The following MRPS28 variants were observed in gnomAD, a reference collection of about 807,000 sequenced individuals.
MRPS28 encodes the protein small ribosomal subunit protein bS1m.
MRPS28 carries 7 observed loss-of-function variants against 10.8 expected under a neutral mutation model. The ratio of observed to expected loss-of-function variants is 0.65; its 90% CI spans 0.37 to 1.22. The LOEUF (loss-of-function observed/expected upper bound fraction) is 1.22, where lower values mean the gene tolerates loss of function less well. MRPS28 is among the 50% of genes most tolerant of loss of function. MRPS28 has a pLI of 0.02. For missense variants in MRPS28, 265 were observed against 232.9 expected (o/e 1.14, Z -0.90); for synonymous variants, 121 against 93.3 (o/e 1.30, Z -1.71).
chr8:79,974,977 A>T (rs1460749260), intron 2 of MRPS28, among the ~76,000 whole-genome samples: 2 of 152,130 alleles, frequency 1.3e-5, no homozygotes, highest in Non-Finnish European at 2.9e-5. Context: ...TTCTAAAATA[A>T]ATTTCAAGTA....
chr8:79,976,633 G>T (rs183380515), intron 2 of MRPS28, among the ~76,000 whole-genome samples: 4 of 152,184 alleles, frequency 2.6e-5, no homozygotes, highest in Middle Eastern at 3.4e-3. Flanking sequence ...TTCAACCAGG[G>T]AGGTGATGGT....
At chr8:80,012,414 T>C (rs942003803) in intron 1 of MRPS28, among the ~76,000 whole-genome samples, 7 of 152,142 alleles carry the variant, frequency 4.6e-5, no homozygotes, top group Admixed American at 1.3e-4. Flanking sequence ...AAACAGTAAA[T>C]GTAGCAACTC....
intron 2 of MRPS28, among the ~76,000 whole-genome samples, chr8:80,000,477 T>A (rs367986746): frequency 2.6e-5 from 4 of 152,162 alleles, no homozygotes; most frequent in East Asian, 1.9e-4. Flanking sequence ...CCACCCCGTC[T>A]CCCCTCAAAA....
intron 2 of MRPS28, among the ~76,000 whole-genome samples, chr8:80,002,109 T>TA (rs1004073357): frequency 8.5e-5 from 13 of 152,268 alleles, no homozygotes; most frequent in Admixed American, 2.6e-4. Flanking sequence ...ACGGCATCTT[T>TA]AGATATCCAG....
intron 2 of MRPS28, among the ~76,000 whole-genome samples, chr8:79,948,428 C>T (rs924497449): frequency 3.3e-5 from 5 of 152,150 alleles, no homozygotes; most frequent in Non-Finnish European, 4.4e-5. Context: ...AAGACTGTTC[C>T]ACTTCTTCCT....
chr8:79,977,768 G>A (rs1299156731), intron 2 of MRPS28, among the ~76,000 whole-genome samples: 2 of 151,992 alleles, frequency 1.3e-5, no homozygotes, highest in Non-Finnish European at 2.9e-5. Context: ...GGTGAGCTGA[G>A]ATTGCAGCAC....
At chr8:80,005,155 G>A (rs1049741715) in intron 1 of MRPS28, among the ~76,000 whole-genome samples, 7 of 152,042 alleles carry the variant, frequency 4.6e-5, no homozygotes, top group East Asian at 1.9e-4. Flanking sequence ...GATACTCCTC[G>A]AGAAGAGCAA....
intron 2 of MRPS28, chr8:79,958,219 T>C (rs1042906996): frequency 1.6e-5 from 9 of 552,716 alleles, no homozygotes; most frequent in African/African-American, 3.9e-5. Context: ...CTCTGTGGAT[T>C]TGTCTATTCT....
chr8:79,986,620 A>G (rs946906752), intron 2 of MRPS28, among the ~76,000 whole-genome samples: 15 of 152,276 alleles, frequency 9.9e-5, no homozygotes, highest in East Asian at 7.7e-4. Context: ...AAGCATTCTT[A>G]TACACCAATA....
chr8:79,995,489 T>C (rs1339867840), intron 2 of MRPS28, among the ~76,000 whole-genome samples: 1 of 152,182 alleles, frequency 6.6e-6, no homozygotes, highest in Non-Finnish European at 1.5e-5. Flanking sequence ...CTGCCCCTAC[T>C]GGAGGTGTTA....
At chr8:80,024,510 C>A (rs986446519) in intron 1 of MRPS28, among the ~76,000 whole-genome samples, 1 of 152,076 alleles carries the variant, frequency 6.6e-6, no homozygotes, top group Admixed American at 6.5e-5. Context: ...GGGGAAAGTT[C>A]TTTGTAAGGA....
Position 79,918,949 on chromosome 8 carries a change from C to T in MRPS28, c.*31G>A. The T allele has an allele frequency of 6.9e-7, 1 of 1,442,414 alleles. No homozygotes were observed. Among genetic ancestry groups the T allele is most frequent in the Non-Finnish European group, 9.2e-7 (1 of 1,089,070 alleles). 89.4% of individuals were successfully genotyped at this position (1,442,414 alleles called of 1,614,324 possible). A position where few individuals can be genotyped will look rare whatever the true frequency, so the allele number is the denominator to read the frequency against. On this transcript the variant is annotated 3_prime_UTR_variant, in exon 3 of 3. Transcript: ENST00000276585. ...ATTCTTGATGAATAACTGACTTCAGCAAAGGAGTCAATCCACTAAGCAAAG... is the reference window on the plus strand; with the variant it reads ...ATTCTTGATGAATAACTGACTTCAGTAAAGGAGTCAATCCACTAAGCAAAG...
intron 2 of MRPS28, among the ~76,000 whole-genome samples, chr8:79,922,166 T>C (rs1810111558): frequency 6.6e-6 from 1 of 152,200 alleles, no homozygotes; most frequent in Non-Finnish European, 1.5e-5. Context: ...GTACTCAGTA[T>C]TTGGGATTGG....
chr8:80,013,135 C>T (rs547422445), intron 1 of MRPS28, among the ~76,000 whole-genome samples: 9 of 150,390 alleles, frequency 6.0e-5, no homozygotes, highest in African/African-American at 1.7e-4. Context: ...CAATAAACAG[C>T]GAAAAAAAAA....
intron 2 of MRPS28, among the ~76,000 whole-genome samples, chr8:79,979,611 C>G (rs1480601632): frequency 6.6e-6 from 1 of 152,110 alleles, no homozygotes; most frequent in African/African-American, 2.4e-5. Context: ...CCAGCTGCAA[C>G]CTTCCGGGCT....
chr8:80,006,107 A>T (rs1473100547), intron 1 of MRPS28, among the ~76,000 whole-genome samples: 1 of 152,210 alleles, frequency 6.6e-6, no homozygotes, highest in Non-Finnish European at 1.5e-5. Flanking sequence ...ATATCCAGGA[A>T]TTGAACTCAG....
intron 2 of MRPS28, among the ~76,000 whole-genome samples, chr8:79,989,517 T>C (rs1323856171): frequency 6.6e-6 from 1 of 152,170 alleles, no homozygotes; most frequent in Non-Finnish European, 1.5e-5. Context: ...AAGAATAATA[T>C]ACTTGGCAAA....
intron 2 of MRPS28, among the ~76,000 whole-genome samples, chr8:79,975,813 A>C (rs940381551): frequency 6.6e-6 from 1 of 152,184 alleles, no homozygotes; most frequent in African/African-American, 2.4e-5. Flanking sequence ...CAGTTCCTCC[A>C]CTCTAAATAA....
chr8:80,007,410 A>G (rs987312841), intron 1 of MRPS28, among the ~76,000 whole-genome samples: 1 of 152,230 alleles, frequency 6.6e-6, no homozygotes, highest in Non-Finnish European at 1.5e-5. Flanking sequence ...CAGTGTTGGA[A>G]GTTCTAGCCA....
Sources: gnomAD v4.1 joint callset for allele counts (sites outside exome capture counted in the v4.1 genomes callset) on GRCh38, gnomAD v4.1.1 for gene constraint, MANE v1.5 for transcripts, NCBI Gene and HGNC (gene_info 2026-07-23, HGNC 2026-07-21) for gene names.